The following APBA2 variants were observed in gnomAD, a reference collection of about 807,000 sequenced individuals.
The protein encoded by APBA2 is amyloid-beta A4 precursor protein-binding family A member 2.
A neutral mutation model predicts 75.0 loss-of-function variants in APBA2; 30 were observed. The ratio of observed to expected loss-of-function variants is 0.40; its 90% CI spans 0.30 to 0.54. The LOEUF (loss-of-function observed/expected upper bound fraction) is 0.54, where lower values mean the gene tolerates loss of function less well. APBA2 is among the 20% of genes least tolerant of loss of function. APBA2 has a pLI of 0.49. For synonymous variants in APBA2, 444 were observed against 409.6 expected (o/e 1.08, Z -1.01); for missense variants, 801 against 1,016.1 (o/e 0.79, Z 2.88).
intron 2 of APBA2, among the ~76,000 whole-genome samples, chr15:28,957,289 A>G (rs534144998): frequency 6.6e-6 from 1 of 151,972 alleles, no homozygotes; most frequent in South Asian, 2.1e-4. Context: ...GTTAGCCACG[A>G]TGGTCTCAAT....
chr15:28,946,523 C>G (rs949316036), intron 2 of APBA2, among the ~76,000 whole-genome samples: 5 of 152,172 alleles, frequency 3.3e-5, no homozygotes, highest in African/African-American at 1.2e-4. Flanking sequence ...CCAGTCGACA[C>G]CATGACCTTA....
At chr15:28,940,014 GAA>G (rs1401925104) in intron 2 of APBA2, among the ~76,000 whole-genome samples, 2 of 152,240 alleles carry the variant, frequency 1.3e-5, no homozygotes, top group African/African-American at 4.8e-5. Flanking sequence ...GAGAATGGAA[GAA>G]ACAGGAGAGA....
At chr15:29,028,347 G>C (rs1057139147) in intron 3 of APBA2, among the ~76,000 whole-genome samples, 2 of 152,060 alleles carry the variant, frequency 1.3e-5, no homozygotes, top group African/African-American at 4.8e-5. Flanking sequence ...CCTTTGTATG[G>C]CTGCATAGTA....
intron 2 of APBA2, among the ~76,000 whole-genome samples, chr15:28,967,659 C>T (rs955632479): frequency 2.0e-5 from 3 of 152,062 alleles, no homozygotes; most frequent in African/African-American, 7.2e-5. Flanking sequence ...AGGATGGTCT[C>T]GATCTCCTAA....
At chr15:28,925,639 G>A (rs369779864) in intron 2 of APBA2, among the ~76,000 whole-genome samples, 13 of 152,312 alleles carry the variant, frequency 8.5e-5, no homozygotes, top group African/African-American at 2.9e-4. Flanking sequence ...AGAAGAATGT[G>A]TATTTTGCTG....
intron 5 of APBA2, 80 bp from the exon 6 acceptor site, chr15:29,075,975 A>G: frequency 7.6e-7 from 1 of 1,319,152 alleles, no homozygotes; most frequent in East Asian, 2.3e-5. Context: ...GGCTCATATC[A>G]CAGCCCTGCT....
intron 2 of APBA2, among the ~76,000 whole-genome samples, chr15:28,986,089 GCCT>G (rs764827967): frequency 1.3e-5 from 2 of 152,164 alleles, no homozygotes; most frequent in Admixed American, 6.5e-5. Flanking sequence ...AAATCCTTCT[GCCT>G]CCTCTTCCCC....
At chr15:28,965,407 G>C (rs923131465) in intron 2 of APBA2, among the ~76,000 whole-genome samples, 1 of 152,112 alleles carries the variant, frequency 6.6e-6, no homozygotes. Context: ...ATCAGGCAGG[G>C]TGATTTCCCC....
intron 6 of APBA2, among the ~76,000 whole-genome samples, chr15:29,087,498 G>A (rs1390168023): frequency 2.6e-5 from 4 of 152,314 alleles, no homozygotes; most frequent in Non-Finnish European, 4.4e-5. Context: ...GACAAAGCCT[G>A]TGCTGCAGGC....
Position 29,047,972 on chromosome 15 carries a change from G to A in APBA2, c.-40-5873G>A, listed in dbSNP as rs141611477. Among the ~76,000 whole-genome samples, 415 of 152,208 alleles carry A rather than the reference G, an allele frequency of 2.7e-3. 6 individuals carry two copies. Among genetic ancestry groups the A allele is most frequent in the African/African-American group, 9.8e-3 (406 of 41,524 alleles). Reference sequence around the variant, plus strand: ...CAGCTATAAAGAAAATTACAAAGCCGTTGAGAGACATTTAAGACTTCAATA... The same window carrying A: ...CAGCTATAAAGAAAATTACAAAGCCATTGAGAGACATTTAAGACTTCAATA... On this transcript the variant is annotated intron_variant, in intron 3 of 14. Transcript: ENST00000683413.
intron 3 of APBA2, among the ~76,000 whole-genome samples, chr15:29,020,144 A>G (rs1368618524): frequency 6.6e-6 from 1 of 152,100 alleles, no homozygotes; most frequent in African/African-American, 2.4e-5. Flanking sequence ...ATTGATATCT[A>G]GGAAGGTCAC....
chr15:29,076,961 T>C (rs1362734664), intron 6 of APBA2, among the ~76,000 whole-genome samples: 1 of 152,188 alleles, frequency 6.6e-6, no homozygotes, highest in Non-Finnish European at 1.5e-5. Context: ...GCTAATCCAG[T>C]TCCAATTGGT....
At chr15:29,055,668 AGTGTGT>A (rs57671107) in intron 4 of APBA2, among the ~76,000 whole-genome samples, 2,555 of 127,488 alleles carry the variant, frequency 0.02, 43 homozygotes, top group African/African-American at 0.041. Flanking sequence ...CATGAATTTG[AGTGTGT>A]GTGTGTGTGT....
chr15:29,090,924 C>T (rs1448848044), intron 6 of APBA2, among the ~76,000 whole-genome samples: 3 of 152,098 alleles, frequency 2.0e-5, no homozygotes, highest in Non-Finnish European at 4.4e-5. Flanking sequence ...CCAGGGCTGT[C>T]ATACACGCTC....
At chr15:29,087,485 A>C (rs1000757012) in intron 6 of APBA2, among the ~76,000 whole-genome samples, 2 of 152,128 alleles carry the variant, frequency 1.3e-5, no homozygotes, top group African/African-American at 4.8e-5. Flanking sequence ...CCCTTTTATC[A>C]GTGACAAAGC....
intron 8 of APBA2, among the ~76,000 whole-genome samples, chr15:29,095,864 A>G (rs2043825361): frequency 6.6e-6 from 1 of 152,170 alleles, no homozygotes; most frequent in Non-Finnish European, 1.5e-5. Flanking sequence ...GCAGACTTGC[A>G]GTTGGGGTGT....
At chr15:28,921,517 T>C (rs914593891) in intron 1 of APBA2, 123 bp from the exon 2 acceptor site, 2 of 152,182 alleles carry the variant, frequency 1.3e-5, no homozygotes, top group Non-Finnish European at 2.9e-5. Flanking sequence ...AGGGAGCTGT[T>C]AGCCTCCCAT....
chr15:28,946,346 G>A (rs1245713797), intron 2 of APBA2, among the ~76,000 whole-genome samples: 1 of 152,190 alleles, frequency 6.6e-6, no homozygotes, highest in African/African-American at 2.4e-5. Flanking sequence ...GAAGCTGGAG[G>A]AGTTAATTGT....
chr15:29,074,819 A>G (rs1325708957), intron 4 of APBA2, 102 bp from the exon 5 acceptor site: 2 of 955,370 alleles, frequency 2.1e-6, no homozygotes, highest in Admixed American at 1.9e-5. Context: ...ATACAGACAT[A>G]CACATGCATT....
Sources: gnomAD v4.1 joint callset for allele counts (sites outside exome capture counted in the v4.1 genomes callset) on GRCh38, gnomAD v4.1.1 for gene constraint, MANE v1.5 for transcripts, NCBI Gene and HGNC (gene_info 2026-07-23, HGNC 2026-07-21) for gene names.